Variants in KALRN observed in about 807,000 individuals in gnomAD.
KALRN encodes kalirin.
Under a neutral mutation model 353.7 loss-of-function variants are expected in KALRN, and 70 were observed. The ratio of observed to expected loss-of-function variants is 0.20; its 90% CI spans 0.16 to 0.24. KALRN has a LOEUF of 0.24. Among genes scored for constraint, KALRN ranks in the 10% least tolerant of loss-of-function variants. The probability of loss-of-function intolerance (pLI) is 1.00; values close to 1 mark genes in which losing one functional copy is unlikely to be tolerated. For synonymous variants in KALRN, 1,391 were observed against 1,434.8 expected, an observed-to-expected ratio of 0.97 and a Z score of 0.69; for missense variants, 2,791 against 3,756.7, an observed-to-expected ratio of 0.74 and a Z score of 6.72.
intron 34 of KALRN, among the ~76,000 whole-genome samples, chr3:124,564,719 C>T (rs886378216): frequency 1.3e-5 from 2 of 152,162 alleles, no homozygotes; most frequent in African/African-American, 2.4e-5. Context: ...AAGAAAGAAA[C>T]GCAAATGATC....
intron 48 of KALRN, among the ~76,000 whole-genome samples, chr3:124,672,884 T>C (rs886422765): frequency 6.6e-6 from 1 of 152,234 alleles, no homozygotes; most frequent in Non-Finnish European, 1.5e-5. Context: ...CTTACATTTT[T>C]TATCTACATG....
chr3:124,694,696 C>T (rs535428464), intron 53 of KALRN, among the ~76,000 whole-genome samples, 193 bp downstream of exon 53: 16 of 152,300 alleles, frequency 1.1e-4, no homozygotes, highest in Middle Eastern at 6.8e-3. Flanking sequence ...TAGTCAGAGC[C>T]TCTGCCACTC....
intron 27 of KALRN, among the ~76,000 whole-genome samples, chr3:124,479,898 T>A (rs547898168): frequency 6.6e-6 from 1 of 152,114 alleles, no homozygotes; most frequent in Admixed American, 6.5e-5. Context: ...TAATTTTTTG[T>A]ATTTCTAGTA....
At chr3:124,559,229 G>A (rs543113584) in intron 33 of KALRN, among the ~76,000 whole-genome samples, 3 of 152,320 alleles carry the variant, frequency 2.0e-5, no homozygotes, top group East Asian at 3.9e-4. Flanking sequence ...GAAGCATTGC[G>A]GAGGGTGAAG....
At chr3:124,289,674 G>T (rs541591384) in intron 5 of KALRN, among the ~76,000 whole-genome samples, 1 of 152,238 alleles carries the variant, frequency 6.6e-6, no homozygotes, top group Admixed American at 6.5e-5. Context: ...TGGGATTTAG[G>T]TTCAGATGGA....
rs61081301 is a variant in KALRN at position 124,370,518 on chromosome 3, A to G, written c.1771-14327A>G. 7.1e-3 allele frequency among the ~76,000 whole-genome samples: 1,082 copies of G among 152,284 alleles called. 6 individuals are homozygous for G. The highest frequency in any genetic ancestry group is 0.023 in the African/African-American group (949 of 41,568). On this transcript the variant is annotated intron_variant, in intron 10 of 59. Transcript: ENST00000682506. ...ACAAGTGAAATGCCTTGAGCATCCC[A>G]AGAAACCGTTGCTATGGTCTTTGCT...
At chr3:124,663,566 T>C (rs971443078) in intron 45 of KALRN, among the ~76,000 whole-genome samples, 1 of 152,218 alleles carries the variant, frequency 6.6e-6, no homozygotes, top group Non-Finnish European at 1.5e-5. Flanking sequence ...AAGATTAATA[T>C]GATAAAATTG....
chr3:124,358,569 A>G (rs982810595), intron 10 of KALRN, among the ~76,000 whole-genome samples: 4 of 152,190 alleles, frequency 2.6e-5, no homozygotes, highest in Non-Finnish European at 5.9e-5. Context: ...TTTTGATTCA[A>G]TATAGTATGT....
chr3:124,446,659 TG>T (rs541740400), intron 20 of KALRN, 103 bp from the exon 21 acceptor site: 3 of 1,399,756 alleles, frequency 2.1e-6, no homozygotes, highest in Non-Finnish European at 3.0e-6. Context: ...CAGTGTTTCC[TG>T]GGTCCATTAA....
chr3:124,550,452 T>G (rs114924404), intron 33 of KALRN, among the ~76,000 whole-genome samples: 7 of 152,178 alleles, frequency 4.6e-5, no homozygotes, highest in Non-Finnish European at 8.8e-5. Context: ...AAACATGTAT[T>G]GGGCCCCCAA....
intron 34 of KALRN, among the ~76,000 whole-genome samples, chr3:124,616,091 T>A (rs921549440): frequency 2.0e-5 from 3 of 152,232 alleles, no homozygotes; most frequent in African/African-American, 7.2e-5. Context: ...CAAGCAGTCT[T>A]TGACCTCTAG....
chr3:124,642,820 T>TTTTTTTTTTTTTTTTTTTTTTTC (rs2082241937), intron 37 of KALRN, among the ~76,000 whole-genome samples: 1 of 76,320 alleles, frequency 1.3e-5, no homozygotes, highest in Non-Finnish European at 2.7e-5. Flanking sequence ...TTTTTTTTTT[T>TTTTTTTTTTTTTTTTTTTTTTTC]TTTTTTGAGA....
chr3:124,645,422 T>C (rs970587462), intron 37 of KALRN, among the ~76,000 whole-genome samples: 2 of 152,206 alleles, frequency 1.3e-5, no homozygotes, highest in African/African-American at 4.8e-5. Context: ...CTGAATGGTA[T>C]TGCCTAGGTT....
At chr3:124,429,988 G>C (rs2093198487) in intron 15 of KALRN, among the ~76,000 whole-genome samples, 1 of 152,128 alleles carries the variant, frequency 6.6e-6, no homozygotes, top group Non-Finnish European at 1.5e-5. Context: ...TGTGACCTGG[G>C]TATTCTCGAT....
chr3:124,542,176 G>A (rs2069109121), intron 33 of KALRN, among the ~76,000 whole-genome samples: 1 of 152,124 alleles, frequency 6.6e-6, no homozygotes, highest in African/African-American at 2.4e-5. Flanking sequence ...CAATGTCCTT[G>A]GCCTGCTTAA....
At chr3:124,501,388 T>C (rs2064512664) in intron 33 of KALRN, among the ~76,000 whole-genome samples, 1 of 152,208 alleles carries the variant, frequency 6.6e-6, no homozygotes, top group African/African-American at 2.4e-5. Context: ...GATTTTCGGA[T>C]ATAACTCAAT....
intron 33 of KALRN, among the ~76,000 whole-genome samples, chr3:124,528,785 A>C (rs2067796598): frequency 6.6e-6 from 1 of 152,216 alleles, no homozygotes. Context: ...GGTTCATTCC[A>C]ACTCAGGTCT....
In KALRN at chr3:124,334,522, A is replaced by T; in HGVS notation, c.1647+27A>T. 1 of 1,548,314 alleles carries T rather than the reference A, an allele frequency of 6.5e-7. No homozygotes were observed. The highest frequency in any genetic ancestry group is 8.9e-7 in the Non-Finnish European group (1 of 1,127,198). On this transcript the variant is annotated intron_variant, in intron 9 of 59. Transcript: ENST00000682506. This position sits in a 1 kb window ranked among gnomAD's most constrained non-coding sequence, Gnocchi z 4.2. ...TAACAGGCTCTGAGCCCCGGTGTCC[A>T]TTATCCATTCTAGGAGGCAGACCGA...
chr3:124,085,564 T>C (rs1451427052), intron 1 of KALRN, among the ~76,000 whole-genome samples: 2 of 152,218 alleles, frequency 1.3e-5, no homozygotes, highest in Non-Finnish European at 2.9e-5. Context: ...GGTGAATTTT[T>C]TACTGTGACC....
Sources: gnomAD v4.1 joint callset for allele counts (sites outside exome capture counted in the v4.1 genomes callset) on GRCh38, gnomAD v4.1.1 for gene constraint, Gnocchi (gnomAD v3.1) non-coding constraint, MANE v1.5 for transcripts, NCBI Gene and HGNC (gene_info 2026-07-23, HGNC 2026-07-21) for gene names.